EFNA5: variants seen among roughly 807,000 people sequenced by gnomAD.
EFNA5 encodes ephrin A5.
Under a neutral mutation model 22.9 loss-of-function variants are expected in EFNA5, and 5 were observed. The ratio of observed to expected loss-of-function variants is 0.22; its 90% CI spans 0.11 to 0.46. The LOEUF (loss-of-function observed/expected upper bound fraction) is 0.46. Among genes scored for constraint, EFNA5 ranks in the 20% least tolerant of loss-of-function variants. The pLI is 0.99. For missense variants in EFNA5, 237 were observed against 293.3 expected, an observed-to-expected ratio of 0.81 and a Z score of 1.40; for synonymous variants, 113 against 112.2, an observed-to-expected ratio of 1.01 and a Z score of -0.04.
chr5:107,417,852 C>A (rs751479311), intron 2 of EFNA5, among the ~76,000 whole-genome samples: 1 of 152,130 alleles, frequency 6.6e-6, no homozygotes, highest in Non-Finnish European at 1.5e-5. Context: ...GGCTGTATGA[C>A]AACTTTCAAA....
intron 1 of EFNA5, among the ~76,000 whole-genome samples, chr5:107,521,419 A>C (rs2112443348): frequency 6.7e-6 from 1 of 149,852 alleles, no homozygotes; most frequent in East Asian, 2.0e-4. Flanking sequence ...CAGCCTCCTT[A>C]GTAGCTGGGA....
intron 1 of EFNA5, among the ~76,000 whole-genome samples, chr5:107,430,219 A>G (rs1748911801): frequency 1.3e-5 from 2 of 152,238 alleles, no homozygotes; most frequent in Non-Finnish European, 2.9e-5. Context: ...CTGCCAAAGT[A>G]CAGAGAAAAG....
chr5:107,598,350 G>T (rs945184936), intron 1 of EFNA5, among the ~76,000 whole-genome samples: 2 of 152,082 alleles, frequency 1.3e-5, no homozygotes, highest in African/African-American at 4.8e-5. Flanking sequence ...ACCAAATTGA[G>T]TGGAAGAGTA....
chr5:107,645,905 T>G (rs1406720024), intron 1 of EFNA5, among the ~76,000 whole-genome samples: 2 of 152,342 alleles, frequency 1.3e-5, no homozygotes, highest in East Asian at 3.9e-4. Flanking sequence ...AGCCGTCACC[T>G]GTTTTGCCAT....
At chr5:107,390,921 G>T (rs1402254010) in intron 2 of EFNA5, among the ~76,000 whole-genome samples, 1 of 152,128 alleles carries the variant, frequency 6.6e-6, no homozygotes, top group Admixed American at 6.5e-5. Context: ...CACTGTGGGA[G>T]GCCAAGCCGG....
At chr5:107,522,290 G>C (rs1251670811) in intron 1 of EFNA5, among the ~76,000 whole-genome samples, 1 of 152,190 alleles carries the variant, frequency 6.6e-6, no homozygotes, top group Non-Finnish European at 1.5e-5. Flanking sequence ...GTGATACAAG[G>C]AAATGTGAAG....
intron 1 of EFNA5, among the ~76,000 whole-genome samples, chr5:107,435,166 T>G (rs895761722): frequency 6.6e-6 from 1 of 152,182 alleles, no homozygotes; most frequent in Non-Finnish European, 1.5e-5. Flanking sequence ...GCAACAGATA[T>G]GGGTTTGGTT....
intron 1 of EFNA5, among the ~76,000 whole-genome samples, chr5:107,446,464 G>C (rs1749398637): frequency 6.6e-6 from 1 of 152,042 alleles, no homozygotes; most frequent in Admixed American, 6.6e-5. Flanking sequence ...TAAAACTTTA[G>C]AAAGGCAGGA....
intron 1 of EFNA5, among the ~76,000 whole-genome samples, chr5:107,457,087 A>G (rs1749715181): frequency 6.6e-6 from 1 of 152,054 alleles, no homozygotes; most frequent in Admixed American, 6.6e-5. Context: ...TCAACCTACC[A>G]ATGAACAGCC....
chr5:107,444,940 C>A (rs1749351424), intron 1 of EFNA5, among the ~76,000 whole-genome samples: 1 of 151,838 alleles, frequency 6.6e-6, no homozygotes, highest in Non-Finnish European at 1.5e-5. Context: ...GATTTTAGTT[C>A]CAGGAATAAT....
intron 1 of EFNA5, among the ~76,000 whole-genome samples, chr5:107,445,281 C>T (rs538741999): frequency 7.0e-4 from 107 of 152,188 alleles, no homozygotes; most frequent in Middle Eastern, 6.8e-3. Flanking sequence ...GCTGGGCCTC[C>T]CAAAGTGCTG....
At chr5:107,629,953 G>A (rs541318077) in intron 1 of EFNA5, among the ~76,000 whole-genome samples, 1 of 152,152 alleles carries the variant, frequency 6.6e-6, no homozygotes, top group East Asian at 1.9e-4. Flanking sequence ...CTACCAGGGA[G>A]GCTGAGGCGG....
chr5:107,499,966 A>C (rs1747092714), intron 1 of EFNA5, among the ~76,000 whole-genome samples: 1 of 152,214 alleles, frequency 6.6e-6, no homozygotes, highest in Non-Finnish European at 1.5e-5. Flanking sequence ...TCAGTTCTGC[A>C]GTGTACTGTG....
At chr5:107,590,294 A>C (rs1749290144) in intron 1 of EFNA5, among the ~76,000 whole-genome samples, 1 of 152,228 alleles carries the variant, frequency 6.6e-6, no homozygotes, top group African/African-American at 2.4e-5. Flanking sequence ...CCTGAGGAAG[A>C]ATAACATTCT....
intron 1 of EFNA5, among the ~76,000 whole-genome samples, chr5:107,602,030 G>A (rs890750146): frequency 2.0e-5 from 3 of 152,136 alleles, no homozygotes; most frequent in Non-Finnish European, 4.4e-5. Flanking sequence ...CTAACAATGA[G>A]CATTACTCCG....
At chr5:107,591,955 TATAATATATATAATATATATA>T (rs1749357727) in intron 1 of EFNA5, among the ~76,000 whole-genome samples, 3 of 21,620 alleles carry the variant, frequency 1.4e-4, no homozygotes, top group African/African-American at 7.5e-4. Context: ...ATATATAATA[TATAATATATATAATATATATA>T]ATATATAATA....
chr5:107,411,241 T>C (rs1469436365), intron 2 of EFNA5, among the ~76,000 whole-genome samples: 1 of 152,202 alleles, frequency 6.6e-6, no homozygotes, highest in Non-Finnish European at 1.5e-5. Context: ...TACAGTACTG[T>C]TCATCAGTGA....
intron 2 of EFNA5, among the ~76,000 whole-genome samples, chr5:107,395,781 A>G (rs1747906056): frequency 6.6e-6 from 1 of 152,240 alleles, no homozygotes; most frequent in South Asian, 2.1e-4. Context: ...AACAGCAACA[A>G]ACCAGATAGG....
chr5:107,498,829 C>T (rs188419973), intron 1 of EFNA5, among the ~76,000 whole-genome samples: 1 of 152,232 alleles, frequency 6.6e-6, no homozygotes, highest in African/African-American at 2.4e-5. Flanking sequence ...AGGTTTGATG[C>T]CAATGTACAC....
Sources: allele counts gnomAD v4.1 joint callset (sites outside exome capture counted in the v4.1 genomes callset), GRCh38; gene constraint gnomAD v4.1.1; transcripts MANE v1.5; gene names NCBI Gene and HGNC (gene_info 2026-07-23, HGNC 2026-07-21).